The following GPR89A variants were observed in gnomAD, a reference collection of about 807,000 sequenced individuals.
GPR89A encodes G protein-coupled receptor 89A.
GPR89A carries 16 observed loss-of-function variants against 52.0 expected under a neutral mutation model. The observed-to-expected ratio is 0.31, with a 90% CI of 0.21 to 0.47. The LOEUF is 0.47. Ranked by LOEUF, GPR89A falls within the 20% of genes least tolerant of loss-of-function variation. GPR89A has a pLI of 1.00. For synonymous variants in GPR89A, 55 were observed against 150.9 expected (o/e 0.36, Z 4.66); for missense variants, 135 against 449.4 (o/e 0.30, Z 6.33).
At chr1:145,655,762 G>A (rs1278342151) in intron 10 of GPR89A, among the ~76,000 whole-genome samples, 4 of 152,190 alleles carry the variant, frequency 2.6e-5, no homozygotes, top group Non-Finnish European at 4.4e-5. Flanking sequence ...TCAGTCAGGA[G>A]GCACGGGATC....
intron 11 of GPR89A, among the ~76,000 whole-genome samples, chr1:145,664,411 T>C (rs1307436766): frequency 6.6e-6 from 1 of 152,146 alleles, no homozygotes; most frequent in Non-Finnish European, 1.5e-5. Context: ...CCCAGCACTT[T>C]GAGAGGTCGA....
At chr1:145,662,762 G>A (rs1179372593) in intron 10 of GPR89A, among the ~76,000 whole-genome samples, 4 of 152,122 alleles carry the variant, frequency 2.6e-5, no homozygotes, top group African/African-American at 9.7e-5. Context: ...TATTGATGTG[G>A]TTGTTTCTTT....
intron 1 of GPR89A, among the ~76,000 whole-genome samples, chr1:145,609,613 A>G (rs1648108074): frequency 6.6e-6 from 1 of 152,230 alleles, no homozygotes; most frequent in South Asian, 2.1e-4. Context: ...TTTTCTTTTC[A>G]TTTAGAATAA....
At chr1:145,654,813 C>G (rs1233422176) in intron 10 of GPR89A, among the ~76,000 whole-genome samples, 3 of 152,126 alleles carry the variant, frequency 2.0e-5, no homozygotes, top group African/African-American at 7.2e-5. Flanking sequence ...GCCTGTCTTG[C>G]TAGGTTGGAG....
intron 10 of GPR89A, among the ~76,000 whole-genome samples, chr1:145,656,767 C>A (rs2624719): frequency 1.3e-5 from 2 of 151,734 alleles, no homozygotes; most frequent in East Asian, 3.9e-4. Flanking sequence ...AGTCATCCTA[C>A]TGTTATTCCT....
intron 7 of GPR89A, among the ~76,000 whole-genome samples, chr1:145,640,006 T>C (rs1334013385): frequency 6.6e-6 from 1 of 151,700 alleles, no homozygotes; most frequent in Non-Finnish European, 1.5e-5. Flanking sequence ...TCACTTAAGG[T>C]CAGGAGTTCA....
chr1:145,662,525 G>A (rs1553695740), intron 10 of GPR89A, among the ~76,000 whole-genome samples: 1 of 151,860 alleles, frequency 6.6e-6, no homozygotes, highest in Admixed American at 6.6e-5. Flanking sequence ...GTTGGGTCTT[G>A]CATTTTTATC....
chr1:145,610,510 C>T (rs1322595084), intron 1 of GPR89A, among the ~76,000 whole-genome samples: 1 of 152,050 alleles, frequency 6.6e-6, no homozygotes, highest in Admixed American at 6.6e-5. Context: ...TCCTCATATC[C>T]CTCCCCTTCT....
intron 8 of GPR89A, chr1:145,645,942 T>C: frequency 1.6e-6 from 1 of 608,086 alleles, no homozygotes; most frequent in Non-Finnish European, 3.0e-6. Flanking sequence ...CTGTTTGAGC[T>C]GCTTAAGAGA....
intron 5 of GPR89A, among the ~76,000 whole-genome samples, chr1:145,625,945 T>A (rs1649468147): frequency 6.6e-6 from 1 of 150,660 alleles, no homozygotes; most frequent in South Asian, 2.1e-4. Flanking sequence ...ACATAACAAG[T>A]GTTTAATACG....
chr1:145,626,966 A>T (rs1649553739), intron 5 of GPR89A, among the ~76,000 whole-genome samples: 1 of 148,938 alleles, frequency 6.7e-6, no homozygotes, highest in South Asian at 2.2e-4. Flanking sequence ...AAAAAAAAAG[A>T]TAAGACCAAT....
chr1:145,650,643 ATC>A (rs1326277368), intron 10 of GPR89A, among the ~76,000 whole-genome samples: 1 of 151,294 alleles, frequency 6.6e-6, no homozygotes, highest in Non-Finnish European at 1.5e-5. Context: ...CCTCGCCAGC[ATC>A]TGTTGTTTCT....
chr1:145,654,504 G>GACTATGCC (rs1450940600), intron 10 of GPR89A, among the ~76,000 whole-genome samples: 1 of 133,160 alleles, frequency 7.5e-6, no homozygotes, highest in East Asian at 2.3e-4. Flanking sequence ...AGTGAGCCGA[G>GACTATGCC]ACTATGCCAC....
At chr1:145,632,716 A>T (rs1366449435) in intron 7 of GPR89A, among the ~76,000 whole-genome samples, 23 of 152,328 alleles carry the variant, frequency 1.5e-4, no homozygotes, top group Non-Finnish European at 2.8e-4. Context: ...AGGTGTACAG[A>T]TATCTCTTTG....
chr1:145,611,015 T>C (rs1467972306), intron 1 of GPR89A, among the ~76,000 whole-genome samples: 1 of 152,060 alleles, frequency 6.6e-6, no homozygotes, highest in African/African-American at 2.4e-5. Flanking sequence ...AAGTATCAAG[T>C]CTCATTTTTA....
intron 3 of GPR89A, among the ~76,000 whole-genome samples, chr1:145,620,460 T>C (rs1395323697): frequency 3.3e-4 from 49 of 150,520 alleles, no homozygotes; most frequent in Non-Finnish European, 4.1e-4. Flanking sequence ...TTTTAACTTA[T>C]AGTTAATAAC....
At chr1:145,638,583 A>G (rs1571503644) in intron 7 of GPR89A, among the ~76,000 whole-genome samples, 1 of 144,586 alleles carries the variant, frequency 6.9e-6, no homozygotes, top group Admixed American at 6.8e-5. Flanking sequence ...GACAATATCA[A>G]GCAGTCCAAC....
intron 2 of GPR89A, among the ~76,000 whole-genome samples, chr1:145,617,616 A>G (rs1648811518): frequency 6.6e-6 from 1 of 152,138 alleles, no homozygotes; most frequent in African/African-American, 2.4e-5. Context: ...TTATAAAAGT[A>G]TTAATTTTGG....
At chr1:145,641,263 G>A (rs1476862742) in intron 7 of GPR89A, among the ~76,000 whole-genome samples, 13 of 151,498 alleles carry the variant, frequency 8.6e-5, no homozygotes, top group Admixed American at 2.6e-4. Flanking sequence ...AATATATACC[G>A]TATGATTCTA....
Sources: gnomAD v4.1 joint callset for allele counts (sites outside exome capture counted in the v4.1 genomes callset) on GRCh38, gnomAD v4.1.1 for gene constraint, MANE v1.5 for transcripts, NCBI Gene and HGNC (gene_info 2026-07-23, HGNC 2026-07-21) for gene names.